NMNAT2: variants seen among roughly 807,000 people sequenced by gnomAD.
The protein encoded by NMNAT2 is nicotinamide/nicotinic acid mononucleotide adenylyltransferase 2.
In NMNAT2, 11 loss-of-function variants were observed where a neutral mutation model predicts 41.6. The ratio of observed to expected loss-of-function variants is 0.26; its 90% CI spans 0.17 to 0.44. The LOEUF (loss-of-function observed/expected upper bound fraction) is 0.44. Among genes scored for constraint, NMNAT2 ranks in the 20% least tolerant of loss-of-function variants. The probability of loss-of-function intolerance (pLI) is 1.00; values close to 1 mark genes in which losing one functional copy is unlikely to be tolerated. For synonymous variants in NMNAT2, 148 were observed against 151.2 expected (o/e 0.98, Z 0.16); for missense variants, 288 against 407.7 (o/e 0.71, Z 2.53).
rs1432985634 is a variant in NMNAT2 at position 183,251,346 on chromosome 1, G to A, written c.*1295C>T. On this transcript the variant is annotated 3_prime_UTR_variant, in exon 11 of 11. Transcript: ENST00000287713. ...CACTGTCTGAGTTACCTCAGCTAGAGAGGGTGAAAATCATCAGTTATCATC... is the reference window on the plus strand; with the variant it reads ...CACTGTCTGAGTTACCTCAGCTAGAAAGGGTGAAAATCATCAGTTATCATC... 6.6e-6 allele frequency: 1 copy of A among 152,242 alleles called. No homozygotes were observed. The highest frequency in any genetic ancestry group is 2.4e-5 in the African/African-American group (1 of 41,438). 9.4% of individuals were successfully genotyped at this position (152,242 alleles called of 1,614,324 possible). A position where few individuals can be genotyped will look rare whatever the true frequency, so the allele number is the denominator to read the frequency against.
At chr1:183,352,705 C>A (rs1182072852) in intron 1 of NMNAT2, among the ~76,000 whole-genome samples, 1 of 152,028 alleles carries the variant, frequency 6.6e-6, no homozygotes, top group African/African-American at 2.4e-5. Flanking sequence ...GTAAGTCCGT[C>A]TATGAGACTG....
At chr1:183,315,968 T>C (rs1662242490) in intron 1 of NMNAT2, among the ~76,000 whole-genome samples, 1 of 152,120 alleles carries the variant, frequency 6.6e-6, no homozygotes, top group African/African-American at 2.4e-5. Flanking sequence ...AAATTTAGAA[T>C]AACAAAAGTC....
At chr1:183,325,008 A>T (rs763416314) in intron 1 of NMNAT2, among the ~76,000 whole-genome samples, 4 of 152,206 alleles carry the variant, frequency 2.6e-5, no homozygotes, top group Non-Finnish European at 4.4e-5. Flanking sequence ...CATGACAGTG[A>T]CCAAGCACTC....
chr1:183,311,203 C>A (rs1416401175), intron 1 of NMNAT2, among the ~76,000 whole-genome samples: 2 of 152,058 alleles, frequency 1.3e-5, no homozygotes, highest in African/African-American at 4.8e-5. Context: ...TTCACCCTGA[C>A]CTGACAGAAT....
rs142122769 is a variant in NMNAT2 at position 183,379,386 on chromosome 1, G to A, written c.85+38797C>T. 3.4e-3 allele frequency among the ~76,000 whole-genome samples: 511 copies of A among 151,972 alleles called. 4 individuals are homozygous for A. The highest frequency in any genetic ancestry group is 0.012 in the African/African-American group (489 of 41,398). ...TGTAGAGATGAGGTCTCCCTATGTT[G>A]CCCAGGCTGGTCTTGAACTCCTGGG... On this transcript the variant is annotated intron_variant, in intron 1 of 10. Coordinates refer to ENST00000287713, the MANE Select transcript of NMNAT2 (RefSeq NM_015039.4).
intron 1 of NMNAT2, among the ~76,000 whole-genome samples, chr1:183,351,205 A>T (rs1242970587): frequency 6.6e-6 from 1 of 152,224 alleles, no homozygotes. Flanking sequence ...ACTATAATCA[A>T]AAAAGAGGCC....
At chr1:183,385,229 A>G (rs1648182748) in intron 1 of NMNAT2, among the ~76,000 whole-genome samples, 1 of 152,032 alleles carries the variant, frequency 6.6e-6, no homozygotes, top group Non-Finnish European at 1.5e-5. Context: ...TATGGAATAG[A>G]TGCAACAAAA....
At chr1:183,392,055 T>A (rs1273529896) in intron 1 of NMNAT2, among the ~76,000 whole-genome samples, 2 of 152,368 alleles carry the variant, frequency 1.3e-5, no homozygotes, top group Non-Finnish European at 2.9e-5. Flanking sequence ...TCTATGCTGA[T>A]GCCTCCTGAC....
intron 8 of NMNAT2, among the ~76,000 whole-genome samples, chr1:183,263,665 G>A (rs542995780): frequency 3.3e-5 from 5 of 152,140 alleles, no homozygotes; most frequent in East Asian, 3.9e-4. Flanking sequence ...AAAATTAGCC[G>A]GGCGTGGTGG....
chr1:183,285,654 A>T (rs1212830189), intron 5 of NMNAT2, among the ~76,000 whole-genome samples: 5 of 152,228 alleles, frequency 3.3e-5, no homozygotes, highest in Admixed American at 2.0e-4. Flanking sequence ...GGCTTGAAGA[A>T]AATTTTAGAG....
chr1:183,412,595 G>T (rs555028585), intron 1 of NMNAT2, among the ~76,000 whole-genome samples: 2 of 152,208 alleles, frequency 1.3e-5, no homozygotes, highest in East Asian at 3.8e-4. Context: ...GACCAGTTAA[G>T]AAGCTATTGC....
At chr1:183,292,044 C>T (rs2102308771) in intron 3 of NMNAT2, among the ~76,000 whole-genome samples, 1 of 152,368 alleles carries the variant, frequency 6.6e-6, no homozygotes. Flanking sequence ...CACTTCGCCC[C>T]TTTCATGGAA....
At position 183,400,761 on chromosome 1, in the gene NMNAT2, A is replaced by G. The variant is rs568659032; in HGVS notation, c.85+17422T>C. ...ACAGAGCCCTCAGAAATAATACCAC[A>G]TATCTACAATCATCTGATCTTTGAC... is the stretch of plus-strand genomic sequence containing the variant. On this transcript the variant is annotated intron_variant, in intron 1 of 10. Transcript: ENST00000287713. 1.1e-4 allele frequency among the ~76,000 whole-genome samples: 17 copies of G among 152,306 alleles called. No individual in the cohort carries two copies. The South Asian group carries it at 3.1e-3, about 28-fold the overall frequency.
chr1:183,262,965 T>C (rs1660701713), intron 8 of NMNAT2, among the ~76,000 whole-genome samples: 1 of 152,166 alleles, frequency 6.6e-6, no homozygotes, highest in African/African-American at 2.4e-5. Context: ...CAAAAACAAA[T>C]ATACTGGGGC....
Position 183,261,240 on chromosome 1 carries a change from G to A in NMNAT2, c.715C>T (p.Arg239Ter). 4.3e-6 allele frequency: 7 copies of A among 1,614,072 alleles called. No homozygotes were observed. Among genetic ancestry groups the A allele is most frequent in the South Asian group, 1.1e-5 (1 of 91,066 alleles). Residue 239 changes from arginine to a stop codon, truncating the protein, a stop_gained, in exon 9 of 11, where the codon CGA becomes TGA. Coordinates refer to ENST00000287713, the MANE Select transcript of NMNAT2 (RefSeq NM_015039.4). LOFTEE classifies it high-confidence loss of function. ...VVPRDAADTDRIMNHSSILRK... is the reference protein window; with the variant it reads ...VVPRDAADTD ...AGTATTGAGGAGTGATTCATGATTCGGTCTGTGTCGGCTGCATCCCGGGGC... is the reference window on the plus strand; with the variant it reads ...AGTATTGAGGAGTGATTCATGATTCAGTCTGTGTCGGCTGCATCCCGGGGC...
In NMNAT2 at chr1:183,362,356, A is replaced by T. The variant is rs114333171; in HGVS notation, c.85+55827T>A. ...AGTTGTGCAACCATCACCACTATCGAATTCTACAACATTTTCATCACCCAA... is the reference window on the plus strand; with the variant it reads ...AGTTGTGCAACCATCACCACTATCGTATTCTACAACATTTTCATCACCCAA... On this transcript the variant is annotated intron_variant, in intron 1 of 10. Coordinates refer to ENST00000287713, the MANE Select transcript of NMNAT2 (RefSeq NM_015039.4). 2.9e-3 allele frequency among the ~76,000 whole-genome samples: 448 copies of T among 152,284 alleles called. 2 individuals are homozygous for T. Among genetic ancestry groups the T allele is most frequent in the African/African-American group, 0.01 (428 of 41,548 alleles).
At chr1:183,263,100 G>A (rs545069087) in intron 8 of NMNAT2, among the ~76,000 whole-genome samples, 43 of 152,276 alleles carry the variant, frequency 2.8e-4, no homozygotes, top group Non-Finnish European at 4.9e-4. Flanking sequence ...CCTTTACCCT[G>A]CTTCTCCTAC....
intron 1 of NMNAT2, among the ~76,000 whole-genome samples, chr1:183,381,595 G>A (rs1308074504): frequency 1.3e-5 from 2 of 152,154 alleles, no homozygotes; most frequent in Non-Finnish European, 1.5e-5. Context: ...TACTTGGGAA[G>A]CTTAGGCAGG....
At chr1:183,388,187 ATTAGGCTCTCCTACC>A (rs1464912622) in intron 1 of NMNAT2, among the ~76,000 whole-genome samples, 2 of 152,222 alleles carry the variant, frequency 1.3e-5, no homozygotes, top group Non-Finnish European at 2.9e-5. Flanking sequence ...GGACCTAACC[ATTAGGCTCTCCTACC>A]TTAGCGAGGA....
Sources: gnomAD v4.1 joint callset for allele counts (sites outside exome capture counted in the v4.1 genomes callset) on GRCh38, gnomAD v4.1.1 for gene constraint, MANE v1.5 for transcripts, NCBI Gene and HGNC (gene_info 2026-07-23, HGNC 2026-07-21) for gene names.